The following LPP variants were observed in gnomAD, a reference collection of about 807,000 sequenced individuals.
LPP encodes LIM domain containing preferred translocation partner in lipoma.
Under a neutral mutation model 60.4 loss-of-function variants are expected in LPP, and 38 were observed. The observed-to-expected ratio is 0.63, with a 90% CI of 0.49 to 0.83. LPP has a LOEUF of 0.83. Among genes scored for constraint, LPP ranks in the 40% least tolerant of loss-of-function variants. The pLI, the probability that LPP is intolerant of heterozygous loss-of-function variation, is 0.00. For synonymous variants in LPP, 328 were observed against 290.8 expected, an observed-to-expected ratio of 1.13 and a Z score of -1.30; for missense variants, 902 against 783.6, an observed-to-expected ratio of 1.15 and a Z score of -1.80.
chr3:188,295,994 A>C (rs950970756), intron 2 of LPP, among the ~76,000 whole-genome samples: 5 of 152,168 alleles, frequency 3.3e-5, no homozygotes, highest in African/African-American at 1.2e-4. Flanking sequence ...GTTTCCCTAC[A>C]CCAGAGGCAG....
intron 9 of LPP, among the ~76,000 whole-genome samples, chr3:188,844,789 G>GA (rs1430713862): frequency 2.0e-5 from 3 of 152,202 alleles, no homozygotes; most frequent in Non-Finnish European, 4.4e-5. Flanking sequence ...TGGACTTTGG[G>GA]AAAATCACTT....
chr3:188,798,395 T>G (rs955530875), intron 9 of LPP, among the ~76,000 whole-genome samples: 1 of 152,154 alleles, frequency 6.6e-6, no homozygotes, highest in Admixed American at 6.5e-5. Flanking sequence ...CACTCATAAA[T>G]CTAGCCCACT....
intron 9 of LPP, among the ~76,000 whole-genome samples, chr3:188,791,380 A>G (rs1743686739): frequency 6.6e-6 from 1 of 151,970 alleles, no homozygotes; most frequent in East Asian, 1.9e-4. Flanking sequence ...CCTCTTCCCA[A>G]TGCTCTGTCT....
intron 6 of LPP, among the ~76,000 whole-genome samples, chr3:188,537,268 G>A (rs920340416): frequency 4.6e-5 from 7 of 151,824 alleles, no homozygotes; most frequent in African/African-American, 1.7e-4. Flanking sequence ...GCCTTCTGAA[G>A]GAAGAGTGGA....
At chr3:188,376,911 A>C (rs1319007062) in intron 3 of LPP, among the ~76,000 whole-genome samples, 2 of 152,170 alleles carry the variant, frequency 1.3e-5, no homozygotes, top group Non-Finnish European at 2.9e-5. Context: ...GTAGTGACAA[A>C]ATCTCTCAGC....
At chr3:188,671,525 C>T (rs1856957670) in intron 7 of LPP, among the ~76,000 whole-genome samples, 2 of 152,126 alleles carry the variant, frequency 1.3e-5, no homozygotes, top group African/African-American at 4.8e-5. Context: ...CTTACTACAT[C>T]AATAGGAAGA....
chr3:188,705,591 CTA>C (rs751567376), intron 7 of LPP, among the ~76,000 whole-genome samples: 1 of 150,898 alleles, frequency 6.6e-6, no homozygotes, highest in Non-Finnish European at 1.5e-5. Context: ...ATATACTATG[CTA>C]TATATATATA....
intron 9 of LPP, among the ~76,000 whole-genome samples, chr3:188,811,817 G>A (rs908100192): frequency 1.3e-5 from 2 of 152,028 alleles, no homozygotes; most frequent in African/African-American, 4.8e-5. Flanking sequence ...TTGTGCTTTT[G>A]TTGTTTTCTT....
chr3:188,529,609 G>T (rs1269717258), intron 6 of LPP, among the ~76,000 whole-genome samples: 2 of 152,156 alleles, frequency 1.3e-5, no homozygotes, highest in East Asian at 3.9e-4. Flanking sequence ...TTATTCTAGG[G>T]AGTATTTTCC....
chr3:188,566,440 C>T (rs957093192), intron 6 of LPP, among the ~76,000 whole-genome samples: 1 of 151,786 alleles, frequency 6.6e-6, no homozygotes, highest in Non-Finnish European at 1.5e-5. Context: ...CTCTCATTAC[C>T]TCACCAAATA....
intron 9 of LPP, among the ~76,000 whole-genome samples, chr3:188,778,938 G>A (rs1429734558): frequency 2.0e-5 from 3 of 152,122 alleles, no homozygotes; most frequent in Non-Finnish European, 2.9e-5. Context: ...ATTTTTGAGT[G>A]TGATACTTAT....
At chr3:188,856,659 T>C (rs916849583) in intron 9 of LPP, among the ~76,000 whole-genome samples, 3 of 152,200 alleles carry the variant, frequency 2.0e-5, no homozygotes. Context: ...TTGACACCCA[T>C]GTAGCTTATG....
chr3:188,446,704 T>C (rs1395424447), intron 4 of LPP, among the ~76,000 whole-genome samples: 1 of 152,210 alleles, frequency 6.6e-6, no homozygotes, highest in African/African-American at 2.4e-5. Flanking sequence ...ACTCAGCTCC[T>C]GCTTTCTTCA....
chr3:188,594,108 T>C (rs1040238061), intron 6 of LPP, among the ~76,000 whole-genome samples: 6 of 152,164 alleles, frequency 3.9e-5, no homozygotes, highest in African/African-American at 1.4e-4. Flanking sequence ...CTGAGTTATA[T>C]AGCTTAGAAC....
Position 188,524,774 on chromosome 3 carries a change from C to T in LPP, c.416C>T (p.Pro139Leu), listed in dbSNP as rs144075901. ...CTTGAGTGCAGCTCCCCCTATAAGC[C>T]TCGGCCTCCACAGGTTAGTGCAGCC... ...ADLECSSPYK[P>L]RPPQSSTGST... Residue 139 changes from proline to leucine, a missense_variant, in exon 6 of 12, where the codon CCT becomes CTT. Physicochemically the swap from Pro to Leu is moderately conservative, Grantham distance 98. Transcript: ENST00000617246. 3 of 1,613,844 alleles carry T rather than the reference C, an allele frequency of 1.9e-6. No individual in the cohort carries two copies. The highest frequency in any genetic ancestry group is 2.2e-5 in the East Asian group (1 of 44,866).
intron 7 of LPP, among the ~76,000 whole-genome samples, chr3:188,673,165 G>A (rs1857292702): frequency 6.6e-6 from 1 of 152,096 alleles, no homozygotes; most frequent in Non-Finnish European, 1.5e-5. Context: ...GTAAAAGAAA[G>A]CTTATTTCCA....
chr3:188,353,240 C>G (rs1194735949), intron 3 of LPP, among the ~76,000 whole-genome samples: 4 of 152,118 alleles, frequency 2.6e-5, no homozygotes, highest in Non-Finnish European at 5.9e-5. Flanking sequence ...TTTATTCTTG[C>G]CCTACCTTTT....
At chr3:188,226,771 G>GA (rs896240657) in intron 2 of LPP, among the ~76,000 whole-genome samples, 5 of 151,774 alleles carry the variant, frequency 3.3e-5, no homozygotes, top group Non-Finnish European at 5.9e-5. Context: ...CATTGTGATT[G>GA]AAAAAAAACT....
At chr3:188,339,470 A>G (rs1217893170) in intron 2 of LPP, among the ~76,000 whole-genome samples, 2 of 152,208 alleles carry the variant, frequency 1.3e-5, no homozygotes, top group Admixed American at 1.3e-4. Flanking sequence ...TTATAAAGAA[A>G]GAGGTTTAAT....
Sources: gnomAD v4.1 joint callset for allele counts (sites outside exome capture counted in the v4.1 genomes callset) on GRCh38, gnomAD v4.1.1 for gene constraint, MANE v1.5 for transcripts, NCBI Gene and HGNC (gene_info 2026-07-23, HGNC 2026-07-21) for gene names.